The following CXADR variants were observed in gnomAD, a reference collection of about 807,000 sequenced individuals.
CXADR encodes coxsackievirus and adenovirus receptor.
In CXADR, 20 loss-of-function variants were observed where a neutral mutation model predicts 40.3. The ratio of observed to expected loss-of-function variants is 0.50; its 90% confidence interval spans 0.35 to 0.72. The LOEUF (loss-of-function observed/expected upper bound fraction) is 0.72. Among genes scored for constraint, CXADR ranks in the 30% least tolerant of loss-of-function variants. CXADR has a pLI of 0.01. For missense variants in CXADR, 332 were observed against 449.1 expected (o/e 0.74, Z 2.36); for synonymous variants, 150 against 161.3 (o/e 0.93, Z 0.53).
the CXADR span, among the ~76,000 whole-genome samples, chr21:17,628,113 T>C: frequency 6.6e-6 from 1 of 152,248 alleles, no homozygotes; most frequent in Admixed American, 6.5e-5. Context: ...CACCATTTCA[T>C]TCAGCAAACC....
At chr21:17,543,048 G>T in intron 1 of CXADR, 1 of 368,706 alleles carries the variant, frequency 2.7e-6, no homozygotes, top group Non-Finnish European at 5.4e-6. Flanking sequence ...AAGAGGAATT[G>T]AAGGCTTTAA....
In CXADR at chr21:17,587,008, A is replaced by G. The variant is rs561056551; in HGVS notation, c.1018-6144A>G. 7.2e-5 allele frequency among the ~76,000 whole-genome samples: 11 copies of G among 152,102 alleles called. No individual in the cohort carries two copies. In the East Asian group the frequency reaches 1.9e-3, roughly 27 times the overall value. On this transcript the variant is annotated intron_variant, in intron 7 of 7. Coordinates refer to the CXADR transcript ENST00000400169. ...GCGGTGTTTGGTTTTTTGTCCTTGC[A>G]GTAGTTTGCTGAGAATGATGGATTC...
chr21:17,542,644 C>CTG (rs1194539727), intron 1 of CXADR, among the ~76,000 whole-genome samples: 3 of 152,186 alleles, frequency 2.0e-5, no homozygotes, highest in Non-Finnish European at 2.9e-5. Flanking sequence ...TGATCTAGTG[C>CTG]TGTGCACTTA....
At chr21:17,623,980 C>T in the CXADR span, among the ~76,000 whole-genome samples, 1 of 152,120 alleles carries the variant, frequency 6.6e-6, no homozygotes, top group Non-Finnish European at 1.5e-5. Flanking sequence ...ATGATGGCAA[C>T]ATTTGTCTAA....
downstream of CXADR, among the ~76,000 whole-genome samples, chr21:17,597,257 A>G (rs1377736509): frequency 4.6e-5 from 7 of 152,120 alleles, no homozygotes; most frequent in African/African-American, 1.7e-4. Flanking sequence ...ATTAGCAGCA[A>G]TCAATTTAAT....
chr21:17,519,748 A>C (rs1411121251), intron 1 of CXADR, among the ~76,000 whole-genome samples: 2 of 152,118 alleles, frequency 1.3e-5, no homozygotes, highest in Non-Finnish European at 2.9e-5. Flanking sequence ...TGAATTAAAA[A>C]TATTTTCAGC....
the CXADR span, among the ~76,000 whole-genome samples, chr21:17,604,492 C>A: frequency 6.6e-6 from 1 of 151,954 alleles, no homozygotes; most frequent in Non-Finnish European, 1.5e-5. Context: ...AGAAACAAAC[C>A]AAAAGTGGTT....
chr21:17,623,564 A>G, the CXADR span, among the ~76,000 whole-genome samples: 1 of 152,162 alleles, frequency 6.6e-6, no homozygotes, highest in African/African-American at 2.4e-5. Flanking sequence ...TCCCTAATTA[A>G]TCATTCCAGC....
At chr21:17,529,103 ATC>A (rs2060637553) in intron 1 of CXADR, among the ~76,000 whole-genome samples, 1 of 140,280 alleles carries the variant, frequency 7.1e-6, no homozygotes, top group African/African-American at 2.6e-5. Context: ...CAGTGGCGCG[ATC>A]TAGGCTCACT....
chr21:17,606,063 C>A, the CXADR span, among the ~76,000 whole-genome samples: 1 of 152,130 alleles, frequency 6.6e-6, no homozygotes, highest in Non-Finnish European at 1.5e-5. Context: ...AAGTTCTCAA[C>A]AGGTAATAGG....
chr21:17,600,901 T>A, the CXADR span, among the ~76,000 whole-genome samples: 1 of 152,112 alleles, frequency 6.6e-6, no homozygotes, highest in Non-Finnish European at 1.5e-5. Flanking sequence ...CGGTGGCTCA[T>A]GCCTGTAATC....
chr21:17,569,420 A>T lies in CXADR; in HGVS notation c.*3728A>T. On this transcript the variant is annotated 3_prime_UTR_variant, in exon 7 of 7. Coordinates refer to ENST00000284878, the MANE Select transcript of CXADR (RefSeq NM_001338.5). ...TAACATTCCTGTGTTTAGTAGTGTA[A>T]ATGTTCTGGGCAAGTTTTAATATTT... 2.0e-6 allele frequency: 2 copies of T among 984,884 alleles called. No homozygotes were observed. The highest frequency in any genetic ancestry group is 2.4e-6 in the Non-Finnish European group (2 of 829,842). 61.0% of individuals were successfully genotyped at this position (984,884 alleles called of 1,614,324 possible). A position where few individuals can be genotyped will look rare whatever the true frequency, so the allele number is the denominator to read the frequency against.
At chr21:17,581,268 T>C (rs575515823) in intron 7 of CXADR, among the ~76,000 whole-genome samples, 12 of 152,310 alleles carry the variant, frequency 7.9e-5, no homozygotes, top group African/African-American at 2.6e-4. Flanking sequence ...TCAATATATA[T>C]GTATATATGT....
intron 7 of CXADR, among the ~76,000 whole-genome samples, chr21:17,582,184 G>T (rs1480642662): frequency 6.6e-6 from 1 of 152,102 alleles, no homozygotes; most frequent in Non-Finnish European, 1.5e-5. Flanking sequence ...GGTAATTTTT[G>T]TATTTTTAGC....
At chr21:17,577,461 A>G (rs1280075041) in intron 7 of CXADR, among the ~76,000 whole-genome samples, 2 of 151,954 alleles carry the variant, frequency 1.3e-5, no homozygotes, top group African/African-American at 4.8e-5. Context: ...ATTGTTTTTA[A>G]TTTTATGTCA....
At chr21:17,593,036 T>G in intron 7 of CXADR, 1 of 909,836 alleles carries the variant, frequency 1.1e-6, no homozygotes, top group Admixed American at 4.4e-5. Context: ...AATTTAAGAC[T>G]GCAAATTTAA....
chr21:17,621,079 TCTTTA>T, the CXADR span, among the ~76,000 whole-genome samples: 2 of 152,228 alleles, frequency 1.3e-5, no homozygotes, highest in African/African-American at 4.8e-5. Flanking sequence ...AGGATAATCT[TCTTTA>T]CTTAAAGTCA....
intron 1 of CXADR, among the ~76,000 whole-genome samples, chr21:17,538,991 A>G (rs1456937194): frequency 1.3e-5 from 2 of 152,190 alleles, no homozygotes; most frequent in Non-Finnish European, 1.5e-5. Flanking sequence ...TTTGGAATGT[A>G]TTAAAGAGGA....
chr21:17,513,254 G>T (rs978793513), intron 1 of CXADR, 82 bp downstream of exon 1: 70 of 1,265,056 alleles, frequency 5.5e-5, no homozygotes, highest in South Asian at 9.8e-5. Flanking sequence ...ACAATGGGGC[G>T]TGGGGGAGGG....
Sources: gnomAD v4.1 joint callset for allele counts (sites outside exome capture counted in the v4.1 genomes callset) on GRCh38, gnomAD v4.1.1 for gene constraint, MANE v1.5 for transcripts, NCBI Gene and HGNC (gene_info 2026-07-23, HGNC 2026-07-21) for gene names.